WIF1: variants seen among roughly 807,000 people sequenced by gnomAD.
WIF1 encodes Wnt inhibitory factor 1.
In WIF1, 35 loss-of-function variants were observed where a neutral mutation model predicts 53.5. That is an observed-to-expected ratio of 0.65 (90% CI 0.50 to 0.87). The LOEUF (loss-of-function observed/expected upper bound fraction) is 0.87. Ranked by LOEUF, WIF1 falls within the 40% of genes least tolerant of loss-of-function variation. The pLI, the probability that WIF1 is intolerant of heterozygous loss-of-function variation, is 0.00. For missense variants in WIF1, 467 were observed against 476.8 expected (o/e 0.98, Z 0.19); for synonymous variants, 171 against 170.4 (o/e 1.00, Z -0.03).
chr12:65,072,692 G>A (rs1882802678), intron 3 of WIF1, among the ~76,000 whole-genome samples: 1 of 152,024 alleles, frequency 6.6e-6, no homozygotes, highest in Non-Finnish European at 1.5e-5. Flanking sequence ...CTAGCAACAT[G>A]CACTCAGAAA....
intron 1 of WIF1, 77 bp downstream of exon 1, chr12:65,120,967 C>A: frequency 7.4e-7 from 1 of 1,349,536 alleles, no homozygotes; most frequent in South Asian, 2.1e-5. Flanking sequence ...ACACAAGAAA[C>A]GCAGGTATCC....
chr12:65,074,817 C>CA (rs758690202), intron 3 of WIF1, among the ~76,000 whole-genome samples: 11,962 of 55,442 alleles, frequency 0.22, 2,409 homozygotes, highest in African/African-American at 0.49. Context: ...CACTCTGTCT[C>CA]AAAAAAAAAA....
In WIF1 at chr12:65,060,244, A is replaced by C. The variant is rs1231798618; in HGVS notation, c.826+2237T>G. Among the ~76,000 whole-genome samples, 4 of 152,364 alleles carry C rather than the reference A, an allele frequency of 2.6e-5. No homozygotes were observed. In the East Asian group the frequency reaches 7.7e-4, roughly 29 times the overall value. ...ACGTCCACACAAGCATCTCACACGC[A>C]GATTTTCATAGCCATATTATTCGTA... On this transcript the variant is annotated intron_variant, in intron 7 of 9. Transcript: ENST00000286574.
At chr12:65,074,955 A>G (rs1168405972) in intron 3 of WIF1, among the ~76,000 whole-genome samples, 1 of 152,100 alleles carries the variant, frequency 6.6e-6, no homozygotes, top group East Asian at 1.9e-4. Context: ...CTTCTCCACA[A>G]GGTAATAAAG....
intron 2 of WIF1, among the ~76,000 whole-genome samples, chr12:65,100,345 T>C (rs1423400110): frequency 6.6e-6 from 1 of 152,144 alleles, no homozygotes. Flanking sequence ...GATCCCCCAC[T>C]GCCCCCTACA....
At chr12:65,105,642 C>T (rs995626976) in intron 2 of WIF1, among the ~76,000 whole-genome samples, 2 of 152,088 alleles carry the variant, frequency 1.3e-5, no homozygotes, top group African/African-American at 4.8e-5. Context: ...GCTGAGAAGG[C>T]TTGACCCACT....
intron 2 of WIF1, among the ~76,000 whole-genome samples, chr12:65,078,854 C>A (rs1185845019): frequency 6.6e-6 from 1 of 152,036 alleles, no homozygotes; most frequent in Non-Finnish European, 1.5e-5. Flanking sequence ...TTAATGGATT[C>A]CCACTGGATT....
chr12:65,111,782 C>T (rs549781095), intron 2 of WIF1, among the ~76,000 whole-genome samples: 1 of 152,190 alleles, frequency 6.6e-6, no homozygotes, highest in Non-Finnish European at 1.5e-5. Flanking sequence ...TGGCCCAGGG[C>T]AGCTAAGCAA....
rs138112507 is a variant in WIF1 at position 65,119,082 on chromosome 12, C to T, written c.288+1335G>A. On this transcript the variant is annotated intron_variant, in intron 2 of 9. Coordinates refer to ENST00000286574, the MANE Select transcript of WIF1 (RefSeq NM_007191.5). ...ACTTAGTTAATGACCATCTGATGAG[C>T]GGTCAGCCATAAGTAAACAGATTCA... Among the ~76,000 whole-genome samples, 19 of 152,222 alleles carry T rather than the reference C, an allele frequency of 1.2e-4. No homozygotes were observed. In the South Asian group the frequency reaches 2.5e-3, roughly 20 times the overall value.
At chr12:65,073,837 C>T (rs1882818651) in intron 3 of WIF1, among the ~76,000 whole-genome samples, 1 of 152,122 alleles carries the variant, frequency 6.6e-6, no homozygotes, top group Non-Finnish European at 1.5e-5. Flanking sequence ...TGCATTTCTA[C>T]AAACAAATTC....
chr12:65,051,246 C>T lies in WIF1; in HGVS notation c.*103G>A, dbSNP rs915902472. 5 of 1,398,754 alleles carry T rather than the reference C, an allele frequency of 3.6e-6. No individual in the cohort carries two copies. In the African/African-American group the frequency reaches 5.9e-5, roughly 16 times the overall value. 86.6% of individuals were successfully genotyped at this position (1,398,754 alleles called of 1,614,324 possible). On this transcript the variant is annotated 3_prime_UTR_variant, in exon 10 of 10. Coordinates refer to ENST00000286574, the MANE Select transcript of WIF1 (RefSeq NM_007191.5). ...ATAATGAAGCTAATAAAATTCAGGC[C>T]AGTATTCTTAAGTGTAATGAACATT...
Position 65,068,800 on chromosome 12 carries a change from G to A in WIF1, c.502C>T (p.Pro168Ser), listed in dbSNP as rs749292614. 3 of 1,613,468 alleles carry A rather than the reference G, an allele frequency of 1.9e-6. No homozygotes were observed. Among genetic ancestry groups the A allele is most frequent in the Admixed American group, 1.7e-5 (1 of 59,942 alleles). ...NSEGNTILQT[P>S]QNAIFFKTCQ... ...GTTTTAAAGAAGATAGCATTTTGAG[G>A]TGTTTGGAGAATGGTGTTGCCTTCA... Residue 168 changes from proline to serine, a missense_variant, in exon 4 of 10, where the codon CCT becomes TCT. Pro to Ser is a moderately conservative substitution (Grantham distance 74). Transcript: ENST00000286574.
intron 2 of WIF1, among the ~76,000 whole-genome samples, chr12:65,119,250 C>T (rs532254044): frequency 7.5e-4 from 114 of 152,286 alleles, no homozygotes; most frequent in Non-Finnish European, 1.2e-3. Context: ...ATGGAAACCT[C>T]GATGAACCTA....
rs193060111 is a variant in WIF1, at chr12:65,109,161, G to A, written c.288+11256C>T. ...ATATGTATTTCCCTATGGGTTATTC[G>A]TTATACTTAAAGTGCCCACCTCAGC... On this transcript the variant is annotated intron_variant, in intron 2 of 9. Coordinates refer to ENST00000286574, the MANE Select transcript of WIF1 (RefSeq NM_007191.5). 3.5e-3 allele frequency among the ~76,000 whole-genome samples: 535 copies of A among 152,162 alleles called. 13 individuals carry two copies. The highest frequency in any genetic ancestry group is 0.027 in the Admixed American group (413 of 15,270).
At chr12:65,072,453 AT>A (rs1166799577) in intron 3 of WIF1, among the ~76,000 whole-genome samples, 2 of 152,226 alleles carry the variant, frequency 1.3e-5, no homozygotes, top group Non-Finnish European at 2.9e-5. Context: ...TTTGTTAAGG[AT>A]GAGAATTCTC....
intron 4 of WIF1, among the ~76,000 whole-genome samples, chr12:65,068,293 AGGGATCACT>A (rs1027886915): frequency 6.6e-6 from 1 of 152,076 alleles, no homozygotes; most frequent in Non-Finnish European, 1.5e-5. Flanking sequence ...TTGACCTGGT[AGGGATCACT>A]GGCATGAGGT....
chr12:65,063,401 A>T (rs1448931359), intron 6 of WIF1, among the ~76,000 whole-genome samples: 1 of 152,198 alleles, frequency 6.6e-6, no homozygotes, highest in Non-Finnish European at 1.5e-5. Flanking sequence ...TATAAAGGAA[A>T]TTAAAATGAG....
At position 65,096,301 on chromosome 12, in the gene WIF1, A is replaced by G. The variant is rs1180561562; in HGVS notation, c.289-18447T>C. Among the ~76,000 whole-genome samples the G allele has an allele frequency of 2.0e-5, 3 of 152,222 alleles. No homozygotes were observed. In the East Asian group the frequency reaches 5.8e-4, roughly 29 times the overall value. Reference sequence around the variant, plus strand: ...ACTGGTCATTAGAGAAATGCAAACCAAAACCACAATGAGATACCATCTCAT... The same window carrying G: ...ACTGGTCATTAGAGAAATGCAAACCGAAACCACAATGAGATACCATCTCAT... On this transcript the variant is annotated intron_variant, in intron 2 of 9. Coordinates refer to ENST00000286574, the MANE Select transcript of WIF1 (RefSeq NM_007191.5).
chr12:65,091,660 T>A (rs1001178023), intron 2 of WIF1, among the ~76,000 whole-genome samples: 1 of 152,208 alleles, frequency 6.6e-6, no homozygotes, highest in Non-Finnish European at 1.5e-5. Flanking sequence ...TTGATTTTCA[T>A]AGGTCTTGCC....
Sources: gnomAD v4.1 joint callset for allele counts (sites outside exome capture counted in the v4.1 genomes callset) on GRCh38, gnomAD v4.1.1 for gene constraint, MANE v1.5 for transcripts, NCBI Gene and HGNC (gene_info 2026-07-23, HGNC 2026-07-21) for gene names.